The following DCDC1 variants were observed in gnomAD, a reference collection of about 807,000 sequenced individuals.
The protein encoded by DCDC1 is doublecortin domain containing 1.
Under a neutral mutation model 178.3 loss-of-function variants are expected in DCDC1, and 200 were observed. That is an observed-to-expected ratio of 1.12 (90% CI 1.00 to 1.26). The LOEUF (loss-of-function observed/expected upper bound fraction) is 1.26. DCDC1 is among the 50% of genes most tolerant of loss of function. DCDC1 has a pLI of 0.00. For synonymous variants in DCDC1, 690 were observed against 604.8 expected, an observed-to-expected ratio of 1.14 and a Z score of -2.07; for missense variants, 1,983 against 1,749.2, an observed-to-expected ratio of 1.13 and a Z score of -2.38.
intron 20 of DCDC1, among the ~76,000 whole-genome samples, chr11:30,994,420 T>C (rs991839839): frequency 2.6e-5 from 4 of 151,648 alleles, no homozygotes; most frequent in Admixed American, 2.6e-4. Context: ...GCCTCCCAAG[T>C]AGTTGAAACT....
intron 36 of DCDC1, chr11:30,882,109 CCACATCAGCCCTCCAAAT>C (rs2133979961): frequency 6.5e-6 from 1 of 153,248 alleles, no homozygotes; most frequent in East Asian, 1.9e-4. Flanking sequence ...GGTGCCAAGT[CCACATCAGCCCTCCAAAT>C]CACCATCAAT....
Position 30,903,548 on chromosome 11 carries a change from A to T in DCDC1, c.4444T>A (p.Ser1482Thr). Residue 1482 changes from serine to threonine, a missense_variant, in exon 32 of 39, where the codon TCT (serine) becomes ACT (threonine). Coordinates refer to ENST00000684477, the MANE Select transcript of DCDC1 (RefSeq NM_001387274.1). ...GCTGCATCTTGCTTTTGTTTCTCAGAGTCTCTCTGGAGAAAGGATTCATCT... is the reference window on the plus strand; with the variant it reads ...GCTGCATCTTGCTTTTGTTTCTCAGTGTCTCTCTGGAGAAAGGATTCATCT... The part of the protein sequence containing the change: ...ALDESFLQRD[S>T]EKQKQDAAPV... 1 of 1,607,476 alleles carries T rather than the reference A, an allele frequency of 6.2e-7. No individual in the cohort carries two copies. Among genetic ancestry groups the T allele is most frequent in the Non-Finnish European group, 8.5e-7 (1 of 1,176,694 alleles).
chr11:30,917,656 T>C (rs1565072575), intron 25 of DCDC1, among the ~76,000 whole-genome samples: 1 of 152,220 alleles, frequency 6.6e-6, no homozygotes, highest in Admixed American at 6.5e-5. Flanking sequence ...AGCCGCCATA[T>C]AGATCTGTAT....
intron 11 of DCDC1, among the ~76,000 whole-genome samples, chr11:31,116,024 G>T (rs2135846124): frequency 7.3e-6 from 1 of 137,210 alleles, no homozygotes; most frequent in South Asian, 2.4e-4. Context: ...GAGGGAATCT[G>T]GGCAGTGTGG....
chr11:31,299,898 G>A (rs190305086), intron 6 of DCDC1, among the ~76,000 whole-genome samples: 146 of 151,904 alleles, frequency 9.6e-4, no homozygotes, highest in African/African-American at 3.3e-3. Flanking sequence ...TCGCTCTGTC[G>A]CCAAGCTGGA....
intron 16 of DCDC1, among the ~76,000 whole-genome samples, chr11:31,092,931 ATCTT>A (rs1462220961): frequency 6.6e-6 from 1 of 152,204 alleles, no homozygotes; most frequent in Non-Finnish European, 1.5e-5. Context: ...GAGACCAAGA[ATCTT>A]TCTTCTGCTA....
intron 20 of DCDC1, among the ~76,000 whole-genome samples, chr11:31,040,173 AG>A (rs1002613947): frequency 6.6e-6 from 1 of 152,188 alleles, no homozygotes; most frequent in African/African-American, 2.4e-5. Flanking sequence ...GACACAACAG[AG>A]CCTATGTCTT....
At chr11:30,865,388 A>G (rs1376582779) in intron 38 of DCDC1, 56 bp from the exon 39 acceptor site, 1 of 150,156 alleles carries the variant, frequency 6.7e-6, no homozygotes, top group African/African-American at 2.4e-5. Context: ...GAACACACGC[A>G]CACACATACA....
At chr11:30,957,172 C>T (rs1043263676) in intron 20 of DCDC1, among the ~76,000 whole-genome samples, 13 of 152,108 alleles carry the variant, frequency 8.5e-5, no homozygotes, top group Admixed American at 6.6e-4. Context: ...GACTTTGCTC[C>T]TGCTTTCTGC....
intron 21 of DCDC1, among the ~76,000 whole-genome samples, chr11:30,940,827 C>G (rs1250295872): frequency 1.3e-5 from 2 of 152,116 alleles, no homozygotes; most frequent in African/African-American, 2.4e-5. Context: ...ATTGGCAGAA[C>G]AGATGCTTAT....
At chr11:31,018,651 C>T (rs892763159) in intron 20 of DCDC1, among the ~76,000 whole-genome samples, 1 of 152,196 alleles carries the variant, frequency 6.6e-6, no homozygotes, top group South Asian at 2.1e-4. Context: ...CAAAAGCTAC[C>T]AAGAAATATT....
At chr11:31,321,603 A>T (rs2137779286) in intron 3 of DCDC1, among the ~76,000 whole-genome samples, 1 of 152,152 alleles carries the variant, frequency 6.6e-6, no homozygotes, top group South Asian at 2.1e-4. Flanking sequence ...AAATGCAGAA[A>T]TCACCCGTCT....
At chr11:31,071,629 T>G (rs1358437772) in intron 18 of DCDC1, among the ~76,000 whole-genome samples, 1 of 152,202 alleles carries the variant, frequency 6.6e-6, no homozygotes, top group African/African-American at 2.4e-5. Context: ...CTGTAATGGG[T>G]AGCAGAGTAT....
At chr11:31,273,267 G>C (rs998054375) in intron 7 of DCDC1, among the ~76,000 whole-genome samples, 1 of 152,100 alleles carries the variant, frequency 6.6e-6, no homozygotes, top group African/African-American at 2.4e-5. Context: ...TGAATTGTTA[G>C]GCTGTAAATT....
In DCDC1 at chr11:30,878,670, T is replaced by G; in HGVS notation, c.5275A>C (p.Ile1759Leu). ...GCTTGAGGGCCCTGCTGCCTTCGGA[T>G]TCTGGCATAATTTGCTCTGATCTCC... is the stretch of plus-strand genomic sequence containing the variant. ...LMEIRANYAR[I>L]RRQQGPQATD... Residue 1759 changes from isoleucine to leucine, a missense_variant, in exon 38 of 39, where the codon ATC becomes CTC. By Grantham distance (5) the Ile-to-Leu change is conservative. Coordinates refer to ENST00000684477, the MANE Select transcript of DCDC1 (RefSeq NM_001387274.1). 1.2e-6 allele frequency: 2 copies of G among 1,609,936 alleles called. No individual in the cohort carries two copies. The highest frequency in any genetic ancestry group is 1.7e-6 in the Non-Finnish European group (2 of 1,178,362).
At chr11:31,180,255 T>C (rs921402878) in intron 9 of DCDC1, among the ~76,000 whole-genome samples, 1 of 152,198 alleles carries the variant, frequency 6.6e-6, no homozygotes, top group Non-Finnish European at 1.5e-5. Context: ...CAGCAAAATA[T>C]TGTATATTAC....
intron 16 of DCDC1, among the ~76,000 whole-genome samples, chr11:31,093,792 C>A (rs1043133508): frequency 1.3e-5 from 2 of 152,182 alleles, no homozygotes; most frequent in Admixed American, 6.5e-5. Flanking sequence ...CAAACAAATT[C>A]TATGCTTGGT....
intron 20 of DCDC1, among the ~76,000 whole-genome samples, chr11:31,023,589 A>G (rs1417223929): frequency 2.0e-5 from 3 of 152,110 alleles, no homozygotes; most frequent in Non-Finnish European, 2.9e-5. Context: ...ATATAATTAC[A>G]TACTTTAAAA....
chr11:31,101,376 A>C (rs1398429683), intron 15 of DCDC1, among the ~76,000 whole-genome samples: 1 of 152,188 alleles, frequency 6.6e-6, no homozygotes, highest in Non-Finnish European at 1.5e-5. Flanking sequence ...GAAAAAAAAA[A>C]ACATCTTCTT....
Sources: allele counts gnomAD v4.1 joint callset (sites outside exome capture counted in the v4.1 genomes callset), GRCh38; gene constraint gnomAD v4.1.1; transcripts MANE v1.5; gene names NCBI Gene and HGNC (gene_info 2026-07-23, HGNC 2026-07-21).